Variants in ABTB3 observed in about 807,000 individuals in gnomAD.
The protein encoded by ABTB3 is ankyrin repeat and BTB domain containing 3.
the ABTB3 span, among the ~76,000 whole-genome samples, chr12:107,582,861 G>T: frequency 6.6e-6 from 1 of 152,214 alleles, no homozygotes; most frequent in Non-Finnish European, 1.5e-5. Context: ...CGCCAACCTG[G>T]ATGTCTTGGC....
chr12:107,513,422 TGAGTCCTCAC>T, the ABTB3 span, among the ~76,000 whole-genome samples: 1 of 152,118 alleles, frequency 6.6e-6, no homozygotes, highest in African/African-American at 2.4e-5. Flanking sequence ...TGAAAGTGAG[TGAGTCCTCAC>T]GAGATCTGAT....
At chr12:107,528,013 T>G in the ABTB3 span, among the ~76,000 whole-genome samples, 2 of 152,128 alleles carry the variant, frequency 1.3e-5, no homozygotes, top group Non-Finnish European at 2.9e-5. Context: ...GTGGGAGGTT[T>G]GGGAAATATA....
At chr12:107,414,471 C>A in the ABTB3 span, among the ~76,000 whole-genome samples, 1 of 152,138 alleles carries the variant, frequency 6.6e-6, no homozygotes. Flanking sequence ...AGCATGCACC[C>A]TCATGATAAG....
chr12:107,433,238 C>G, the ABTB3 span, among the ~76,000 whole-genome samples: 1 of 137,956 alleles, frequency 7.2e-6, no homozygotes, highest in African/African-American at 2.7e-5. Context: ...TGCAGTGAGC[C>G]GAGATTGCGC....
the ABTB3 span, among the ~76,000 whole-genome samples, chr12:107,452,202 A>ATTTTTTTTTTTTTTTTTTTTT: frequency 9.1e-6 from 1 of 110,208 alleles, no homozygotes; most frequent in Non-Finnish European, 1.8e-5. Flanking sequence ...GCCCATATGA[A>ATTTTTTTTTTTTTTTTTTTTT]TTTTTTTTTT....
At chr12:107,649,651 T>A in the ABTB3 span, 1 of 205,468 alleles carries the variant, frequency 4.9e-6, no homozygotes, top group Non-Finnish European at 9.9e-6. Flanking sequence ...ATATCCTAGA[T>A]GACGTCTTCT....
the ABTB3 span, among the ~76,000 whole-genome samples, chr12:107,329,879 T>C: frequency 6.6e-6 from 1 of 152,258 alleles, no homozygotes; most frequent in Non-Finnish European, 1.5e-5. Flanking sequence ...GGGTTTAATT[T>C]ATTCATCAAA....
chr12:107,495,788 C>T, the ABTB3 span, among the ~76,000 whole-genome samples: 4 of 152,184 alleles, frequency 2.6e-5, no homozygotes, highest in African/African-American at 9.7e-5. Context: ...CAGCTTTGCC[C>T]AGGTCACATA....
At chr12:107,509,668 G>A in the ABTB3 span, among the ~76,000 whole-genome samples, 1 of 152,204 alleles carries the variant, frequency 6.6e-6, no homozygotes, top group Non-Finnish European at 1.5e-5. Context: ...CACTGGGGCC[G>A]GGACCTGCAG....
At chr12:107,587,428 A>ACAGAGAAGGCAGAAG in the ABTB3 span, among the ~76,000 whole-genome samples, 1 of 152,146 alleles carries the variant, frequency 6.6e-6, no homozygotes, top group African/African-American at 2.4e-5. Flanking sequence ...TGCAAGAGAA[A>ACAGAGAAGGCAGAAG]CAGAGAAGGC....
At chr12:107,393,838 G>T in the ABTB3 span, among the ~76,000 whole-genome samples, 4 of 152,166 alleles carry the variant, frequency 2.6e-5, no homozygotes, top group African/African-American at 4.8e-5. Flanking sequence ...GCTGAGGCAG[G>T]AGAATGGTGT....
the ABTB3 span, among the ~76,000 whole-genome samples, chr12:107,400,433 TG>T: frequency 6.6e-6 from 1 of 152,074 alleles, no homozygotes; most frequent in East Asian, 1.9e-4. Flanking sequence ...TATATACAGG[TG>T]GGTTTGAGAA....
the ABTB3 span, among the ~76,000 whole-genome samples, chr12:107,512,545 C>T: frequency 6.6e-6 from 1 of 152,164 alleles, no homozygotes; most frequent in Non-Finnish European, 1.5e-5. Context: ...TATGGTTATA[C>T]TGCGAGTTCC....
At chr12:107,608,968 T>TAAA in the ABTB3 span, among the ~76,000 whole-genome samples, 37 of 101,748 alleles carry the variant, frequency 3.6e-4, no homozygotes, top group Middle Eastern at 4.9e-3. Flanking sequence ...TAAAATAAAA[T>TAAA]ATAAAATAAA....
At chr12:107,638,618 C>T in the ABTB3 span, among the ~76,000 whole-genome samples, 9 of 152,306 alleles carry the variant, frequency 5.9e-5, no homozygotes, top group East Asian at 7.7e-4. Flanking sequence ...GGAGTCAAGG[C>T]GTTCTTTCAT....
chr12:107,508,085 T>TGGAC, the ABTB3 span, among the ~76,000 whole-genome samples: 2 of 151,386 alleles, frequency 1.3e-5, no homozygotes, highest in Admixed American at 1.3e-4. Flanking sequence ...GATGGATGGA[T>TGGAC]GGATGGATGG....
At chr12:107,455,242 C>T in the ABTB3 span, among the ~76,000 whole-genome samples, 352 of 152,334 alleles carry the variant, frequency 2.3e-3, 9 homozygotes, top group Admixed American at 0.023. Context: ...GATAAATCTG[C>T]ACCACTTAAC....
At chr12:107,581,968 G>A in the ABTB3 span, among the ~76,000 whole-genome samples, 2 of 152,130 alleles carry the variant, frequency 1.3e-5, no homozygotes, top group African/African-American at 4.8e-5. Flanking sequence ...GCACTTTCCC[G>A]ACTCCCCCCA....
chr12:107,603,440 C>G, the ABTB3 span, among the ~76,000 whole-genome samples: 17 of 152,268 alleles, frequency 1.1e-4, no homozygotes, highest in African/African-American at 3.1e-4. Flanking sequence ...CTTCTGGGGC[C>G]TGCTTTCAAG....
Sources: gnomAD v4.1 joint callset for allele counts (sites outside exome capture counted in the v4.1 genomes callset) on GRCh38, gnomAD v4.1.1 for gene constraint, MANE v1.5 for transcripts, NCBI Gene and HGNC (gene_info 2026-07-23, HGNC 2026-07-21) for gene names.